Variants in NBPF11 observed in about 807,000 individuals in gnomAD.
NBPF11 encodes the protein NBPF member 11.
A neutral mutation model predicts 93.9 loss-of-function variants in NBPF11; 72 were observed. That is an observed-to-expected ratio of 0.77 (90% CI 0.63 to 0.93). The LOEUF (loss-of-function observed/expected upper bound fraction) is 0.93, where lower values mean the gene tolerates loss of function less well. Among genes scored for constraint, NBPF11 ranks in the 40% least tolerant of loss-of-function variants. NBPF11 has a pLI of 0.00. For missense variants in NBPF11, 705 were observed against 802.2 expected (o/e 0.88, Z 1.46); for synonymous variants, 224 against 304.9 (o/e 0.73, Z 2.76).
In NBPF11 at chr1:148,138,455, G is replaced by A. The variant is rs1184419902; in HGVS notation, c.-276-646C>T. 1.5e-3 allele frequency among the ~76,000 whole-genome samples: 224 copies of A among 151,192 alleles called. 4 individuals carry two copies. The highest frequency in any genetic ancestry group is 5.2e-3 in the African/African-American group (212 of 40,548). ...AGGCTGTATTTCAGACTATGACATG[G>A]GGAGAAACCTTGGACAATACCTGGC... On this transcript the variant is annotated intron_variant, in intron 2 of 23. Transcript: ENST00000682118.
At chr1:148,130,461 A>G (rs1670137177) in intron 4 of NBPF11, among the ~76,000 whole-genome samples, 1 of 151,152 alleles carries the variant, frequency 6.6e-6, no homozygotes, top group South Asian at 2.1e-4. Flanking sequence ...AACATGATAT[A>G]TATTTATTTA....
intron 2 of NBPF11, among the ~76,000 whole-genome samples, chr1:148,141,796 G>C (rs1289983037): frequency 2.6e-5 from 4 of 151,804 alleles, no homozygotes; most frequent in African/African-American, 9.7e-5. Flanking sequence ...CCACAAATCA[G>C]AGGAGGAGGA....
chr1:148,137,256 A>T (rs1167005676), intron 3 of NBPF11, among the ~76,000 whole-genome samples: 2 of 151,666 alleles, frequency 1.3e-5, no homozygotes, highest in East Asian at 3.9e-4. Flanking sequence ...CTTGAGAAGG[A>T]CTCCATAAGT....
intron 6 of NBPF11, among the ~76,000 whole-genome samples, chr1:148,124,629 T>C (rs56799140): frequency 6.6e-6 from 1 of 151,890 alleles, no homozygotes; most frequent in African/African-American, 2.4e-5. Flanking sequence ...GCTGGGTGGT[T>C]CCCACTCCTT....
rs1249481745 is a variant in NBPF11, at chr1:148,118,704, T to C, written c.1007A>G (p.Asp336Gly). 5.6e-6 allele frequency: 9 copies of C among 1,612,600 alleles called. No homozygotes were observed. The Admixed American group carries it at 1.5e-4, about 27-fold the overall frequency. The change falls in exon 11 of 24, where the codon GAC becomes GGC. Residue 336 changes from aspartate to glycine, a missense_variant. Transcript: ENST00000682118. ...QNKYKYEECK[D>G]LIKSMLRNER... ...ATTCCTCAGCATAGATTTTATGAGG[T>C]CTTTGCACTCTTCATATTCTGAGAA...
chr1:148,115,914 A>C lies in NBPF11; in HGVS notation c.1464T>G (p.Pro488=). The change falls in exon 14 of 24, where the codon CCT becomes CCG. Residue 488 remains proline (P), a synonymous_variant. Transcript: ENST00000682118. The stretch of plus-strand genomic sequence containing the variant: ...TTCTATGTGGCTGGTTGGAGTCATA[A>C]GGGCCATGGCTATTTGAACAAGTGA... ...CAITCSNSHG[P]YDSNQPHRKT... 1 of 1,583,946 alleles carries C rather than the reference A, an allele frequency of 6.3e-7. No homozygotes were observed. The highest frequency in any genetic ancestry group is 8.6e-7 in the Non-Finnish European group (1 of 1,162,876).
intron 10 of NBPF11, among the ~76,000 whole-genome samples, chr1:148,119,432 T>C (rs1282456710): frequency 1.3e-5 from 2 of 151,956 alleles, no homozygotes; most frequent in Non-Finnish European, 2.9e-5. Context: ...TAGGTATTAT[T>C]GTAGTACCCT....
chr1:148,143,805 T>G (rs1217779511), intron 1 of NBPF11, 119 bp from the exon 2 acceptor site: 1 of 151,670 alleles, frequency 6.6e-6, no homozygotes, highest in Non-Finnish European at 1.5e-5. Flanking sequence ...GATTGAAAGG[T>G]GGTGGGGAAC....
rs1662665250 is a variant in NBPF11 at position 148,103,053 on chromosome 1, T to C, written c.*843A>G. ...AATTGAGAGGAGCAGGGCTAAGGCC[T>C]CCCAATGCTGTTTGTCCATCTAGCT... On this transcript the variant is annotated 3_prime_UTR_variant, in exon 24 of 24. Coordinates refer to ENST00000682118, the MANE Select transcript of NBPF11 (RefSeq NM_001385469.3). The C allele has an allele frequency of 9.1e-5, 13 of 142,448 alleles. No individual in the cohort carries two copies. Among genetic ancestry groups the C allele is most frequent in the African/African-American group, 4.0e-4 (13 of 32,694 alleles). The allele number at this position is 142,448 out of a possible 1,614,324, so 8.8% of individuals were successfully genotyped here.
At chr1:148,121,934 A>C (rs1667965990) in intron 9 of NBPF11, 121 bp downstream of exon 9, 1 of 861,578 alleles carries the variant, frequency 1.2e-6, no homozygotes, top group African/African-American at 1.6e-5. Flanking sequence ...GAGTCACAGC[A>C]CCTAGCTCCA....
intron 17 of NBPF11, 27 bp from the exon 18 acceptor site, chr1:148,108,681 T>G: frequency 1.2e-6 from 1 of 821,954 alleles, no homozygotes; most frequent in Non-Finnish European, 2.2e-6. Context: ...AAGTAAAGAA[T>G]AAGCCAGGGG....
intron 2 of NBPF11, among the ~76,000 whole-genome samples, chr1:148,143,161 G>T (rs1471063189): frequency 6.6e-6 from 1 of 151,952 alleles, no homozygotes. Context: ...TAGCTACCAA[G>T]GAAAAGTCCT....
chr1:148,115,563 G>C lies in NBPF11; in HGVS notation c.1585+230C>G, dbSNP rs1480018175. Among the ~76,000 whole-genome samples, 144 of 151,790 alleles carry C rather than the reference G, an allele frequency of 9.5e-4. 2 individuals are homozygous for C. In the East Asian group the frequency reaches 0.016, roughly 17 times the overall value. On this transcript the variant is annotated intron_variant, in intron 14 of 23. Transcript: ENST00000682118. ...ATACTGCCTGTGCACCTCCTGCACT[G>C]AGGTGACTATGAGATTGTCACACTT...
rs57584488 is a variant in NBPF11 at position 148,133,960 on chromosome 1, C to T, written c.-36+1712G>A. The stretch of plus-strand genomic sequence containing the variant: ...GATTAGTAACCACCACATGTCCCTG[C>T]CTCTCAAGGAAATCCCTCCCGCCTT... On this transcript the variant is annotated intron_variant, in intron 4 of 23. Transcript: ENST00000682118. Among the ~76,000 whole-genome samples the T allele has an allele frequency of 5.6e-3, 847 of 151,692 alleles. 9 individuals carry two copies. The highest frequency in any genetic ancestry group is 0.02 in the African/African-American group (815 of 41,182).
chr1:148,146,135 GC>G (rs1448333251), intron 1 of NBPF11, among the ~76,000 whole-genome samples: 1 of 151,740 alleles, frequency 6.6e-6, no homozygotes, highest in African/African-American at 2.4e-5. Flanking sequence ...CGGCCCTGGG[GC>G]CCGGGGGCGC....
At chr1:148,121,241 G>T (rs1378398546) in intron 9 of NBPF11, among the ~76,000 whole-genome samples, 1 of 151,470 alleles carries the variant, frequency 6.6e-6, no homozygotes. Context: ...ATGGGGTTTC[G>T]CCATCTTGGA....
intron 9 of NBPF11, among the ~76,000 whole-genome samples, chr1:148,121,453 T>A (rs1173809154): frequency 6.6e-6 from 1 of 150,736 alleles, no homozygotes; most frequent in Non-Finnish European, 1.5e-5. Context: ...GTTCATGCCA[T>A]TCTCCTGCCT....
At chr1:148,146,768 G>A in intron 1 of NBPF11, 1 of 1,613,124 alleles carries the variant, frequency 6.2e-7, no homozygotes, top group Non-Finnish European at 8.5e-7. Context: ...GTGGACCTGG[G>A]CCAGATGAGC....
intron 1 of NBPF11, chr1:148,146,290 C>T: frequency 2.2e-6 from 3 of 1,338,496 alleles, no homozygotes; most frequent in South Asian, 3.5e-5. Context: ...GGCGCTCTCC[C>T]CCCTGCCCGC....
Sources: allele counts gnomAD v4.1 joint callset (sites outside exome capture counted in the v4.1 genomes callset), GRCh38; gene constraint gnomAD v4.1.1; transcripts MANE v1.5; gene names NCBI Gene and HGNC (gene_info 2026-07-23, HGNC 2026-07-21).